Variants in BTBD9 observed in about 807,000 individuals in gnomAD.
BTBD9 encodes BTB/POZ domain-containing protein 9.
BTBD9 carries 49 observed loss-of-function variants against 64.3 expected under a neutral mutation model. That is an observed-to-expected ratio of 0.76 (90% CI 0.61 to 0.97). The LOEUF (loss-of-function observed/expected upper bound fraction) is 0.97, where lower values mean the gene tolerates loss of function less well. BTBD9 is among the 50% of genes least tolerant of loss of function. The pLI, the probability that BTBD9 is intolerant of heterozygous loss-of-function variation, is 0.00. For synonymous variants in BTBD9, 260 were observed against 274.7 expected (o/e 0.95, Z 0.53); for missense variants, 598 against 762.1 (o/e 0.78, Z 2.53).
chr6:38,369,852 TGAATTGG>T (rs1410856098), intron 6 of BTBD9, among the ~76,000 whole-genome samples: 1 of 152,204 alleles, frequency 6.6e-6, no homozygotes, highest in East Asian at 1.9e-4. Context: ...TGGTGTTTCT[TGAATTGG>T]GAAGTAATAT....
chr6:38,339,854 A>G (rs1453467062), intron 7 of BTBD9, among the ~76,000 whole-genome samples: 3 of 152,360 alleles, frequency 2.0e-5, no homozygotes, highest in Middle Eastern at 3.4e-3. Flanking sequence ...AAATAGTGGC[A>G]TAACTACACA....
At chr6:38,512,910 T>C (rs556454884) in intron 6 of BTBD9, among the ~76,000 whole-genome samples, 2 of 152,316 alleles carry the variant, frequency 1.3e-5, no homozygotes, top group African/African-American at 4.8e-5. Context: ...GGTGTTAAGA[T>C]GATGTATAGC....
chr6:38,381,482 A>G (rs1301356867), intron 6 of BTBD9, among the ~76,000 whole-genome samples: 2 of 152,228 alleles, frequency 1.3e-5, no homozygotes, highest in Non-Finnish European at 2.9e-5. Flanking sequence ...AAACTGAGAA[A>G]CTGAGAAATC....
intron 10 of BTBD9, among the ~76,000 whole-genome samples, chr6:38,181,143 A>G (rs1338942426): frequency 2.0e-5 from 3 of 152,236 alleles, no homozygotes; most frequent in Non-Finnish European, 4.4e-5. Flanking sequence ...TTTTAAAAGC[A>G]GAAGCCTTTG....
At chr6:38,425,338 T>G (rs1768097710) in intron 6 of BTBD9, among the ~76,000 whole-genome samples, 1 of 151,732 alleles carries the variant, frequency 6.6e-6, no homozygotes, top group Admixed American at 6.6e-5. Flanking sequence ...ACTCCTGACC[T>G]CGTCATCTGC....
intron 2 of BTBD9, 84 bp from the exon 3 acceptor site, chr6:38,594,411 T>G: frequency 2.1e-6 from 3 of 1,437,484 alleles, no homozygotes. Flanking sequence ...ATCAACATTA[T>G]GCAAATATAA....
In BTBD9 at chr6:38,303,886, CAT is replaced by C. The variant is rs1234576389; in HGVS notation, c.1265-15427_1265-15426del. On this transcript the variant is annotated intron_variant, in intron 7 of 10. Coordinates refer to ENST00000481247, the MANE Select transcript of BTBD9 (RefSeq NM_001099272.2). ...ATATATATATATATACACACACACA[CAT>C]GTGTATATATATACGTGTATATATG... Among the ~76,000 whole-genome samples the C allele has an allele frequency of 1.4e-3, 168 of 120,196 alleles. 1 individual carries two copies. Among genetic ancestry groups the C allele is most frequent in the African/African-American group, 3.2e-3 (113 of 35,050 alleles). The allele number at this position is 120,196 out of a possible 152,430, so 78.9% of individuals were successfully genotyped here.
intron 7 of BTBD9, among the ~76,000 whole-genome samples, chr6:38,320,951 T>C (rs1000790840): frequency 6.6e-6 from 1 of 152,248 alleles, no homozygotes; most frequent in Non-Finnish European, 1.5e-5. Flanking sequence ...AATATGCAGC[T>C]GGCAGTTTCA....
At chr6:38,217,398 GCA>G (rs1158581248) in intron 9 of BTBD9, among the ~76,000 whole-genome samples, 1 of 151,446 alleles carries the variant, frequency 6.6e-6, no homozygotes, top group Non-Finnish European at 1.5e-5. Context: ...GTAGAAGGTG[GCA>G]AAGTGGAAAA....
At chr6:38,322,754 G>A (rs571986118) in intron 7 of BTBD9, among the ~76,000 whole-genome samples, 4 of 152,262 alleles carry the variant, frequency 2.6e-5, no homozygotes, top group Admixed American at 2.6e-4. Context: ...TGTCACAAAT[G>A]TAAAGCACTG....
intron 6 of BTBD9, among the ~76,000 whole-genome samples, chr6:38,447,927 G>T (rs1267266159): frequency 6.6e-6 from 1 of 152,202 alleles, no homozygotes; most frequent in Non-Finnish European, 1.5e-5. Flanking sequence ...AGAAAGATAC[G>T]TGGACATTTG....
In BTBD9 at chr6:38,412,437, T is replaced by A. The variant is rs1479103352; in HGVS notation, c.1155-67344A>T. 4.0e-5 allele frequency among the ~76,000 whole-genome samples: 6 copies of A among 151,104 alleles called. 1 individual carries two copies. In the South Asian group the frequency reaches 1.3e-3, roughly 32 times the overall value. The stretch of plus-strand genomic sequence containing the variant: ...GAAAAACATACTCTGTTGTTAAGAG[T>A]GTAGGGAAACAGGCCCTCTCATACA... On this transcript the variant is annotated intron_variant, in intron 6 of 10. Coordinates refer to ENST00000481247, the MANE Select transcript of BTBD9 (RefSeq NM_001099272.2).
At chr6:38,551,189 G>T (rs1263562038) in intron 6 of BTBD9, among the ~76,000 whole-genome samples, 2 of 152,272 alleles carry the variant, frequency 1.3e-5, no homozygotes, top group East Asian at 3.9e-4. Flanking sequence ...CAGACATGTT[G>T]TCCAATCTGT....
chr6:38,518,403 T>G (rs1480351354), intron 6 of BTBD9, among the ~76,000 whole-genome samples: 1 of 152,244 alleles, frequency 6.6e-6, no homozygotes, highest in Non-Finnish European at 1.5e-5. Flanking sequence ...CGAGTGATAA[T>G]TTCAACTGGT....
intron 6 of BTBD9, among the ~76,000 whole-genome samples, chr6:38,567,927 G>GA (rs1775596507): frequency 6.6e-6 from 1 of 152,004 alleles, no homozygotes; most frequent in Non-Finnish European, 1.5e-5. Flanking sequence ...GTATTTTCCA[G>GA]AAAAACAGAT....
intron 6 of BTBD9, among the ~76,000 whole-genome samples, chr6:38,518,964 C>T (rs1773161756): frequency 6.6e-6 from 1 of 152,112 alleles, no homozygotes; most frequent in South Asian, 2.1e-4. Flanking sequence ...AGCACAGGTA[C>T]CCAGAGTAAA....
In BTBD9 at chr6:38,430,219, A is replaced by T. The variant is rs936431828; in HGVS notation, c.1155-85126T>A. 4.0e-5 allele frequency among the ~76,000 whole-genome samples: 6 copies of T among 151,118 alleles called. No individual in the cohort carries two copies. The East Asian group carries it at 7.7e-4, about 20-fold the overall frequency. ...TCAGAATGTGGCTTTAAACTTTTTT[A>T]TTTTATTTTATTTTTTTAGAAATAG... is the stretch of plus-strand genomic sequence containing the variant. On this transcript the variant is annotated intron_variant, in intron 6 of 10. Coordinates refer to ENST00000481247, the MANE Select transcript of BTBD9 (RefSeq NM_001099272.2).
At chr6:38,427,628 G>A (rs1193560313) in intron 6 of BTBD9, among the ~76,000 whole-genome samples, 1 of 151,932 alleles carries the variant, frequency 6.6e-6, no homozygotes, top group Non-Finnish European at 1.5e-5. Context: ...GTGCTTATCA[G>A]TGAACCAAAA....
intron 6 of BTBD9, among the ~76,000 whole-genome samples, chr6:38,429,316 G>A (rs963047485): frequency 1.3e-5 from 2 of 151,308 alleles, no homozygotes; most frequent in Non-Finnish European, 2.9e-5. Flanking sequence ...TTAGCTAGGC[G>A]TGGTGGCAGG....
Sources: gnomAD v4.1 joint callset for allele counts (sites outside exome capture counted in the v4.1 genomes callset) on GRCh38, gnomAD v4.1.1 for gene constraint, MANE v1.5 for transcripts, NCBI Gene and HGNC (gene_info 2026-07-23, HGNC 2026-07-21) for gene names.